Variants in SLC6A12 observed in about 807,000 individuals in gnomAD.
The protein encoded by SLC6A12 is sodium- and chloride-dependent betaine transporter.
SLC6A12 carries 50 observed loss-of-function variants against 73.3 expected under a neutral mutation model. The ratio of observed to expected loss-of-function variants is 0.68; its 90% confidence interval spans 0.54 to 0.86. The LOEUF (loss-of-function observed/expected upper bound fraction) is 0.86, where lower values mean the gene tolerates loss of function less well. SLC6A12 is among the 40% of genes least tolerant of loss of function. The pLI is 0.00. For synonymous variants in SLC6A12, 304 were observed against 309.2 expected (o/e 0.98, Z 0.18); for missense variants, 648 against 772.8 (o/e 0.84, Z 1.92).
intron 12 of SLC6A12, 83 bp downstream of exon 12, chr12:196,041 G>A: frequency 7.5e-7 from 1 of 1,341,494 alleles, no homozygotes. Context: ...GATAAGAAAA[G>A]TGAGGCTCTG....
At chr12:207,132 G>T (rs1439677133) in intron 3 of SLC6A12, among the ~76,000 whole-genome samples, 1 of 152,248 alleles carries the variant, frequency 6.6e-6, no homozygotes, top group Admixed American at 6.5e-5. Flanking sequence ...CGCTGACACT[G>T]CTACACCCTC....
chr12:195,608 T>C (rs554500213), intron 12 of SLC6A12, among the ~76,000 whole-genome samples: 1 of 152,308 alleles, frequency 6.6e-6, no homozygotes, highest in South Asian at 2.1e-4. Flanking sequence ...TCATTCTTTG[T>C]TCCTTTTAGA....
rs1209408935 is a variant in SLC6A12 at position 198,113 on chromosome 12, C to T, written c.847-110G>A. 3.8e-6 allele frequency: 3 copies of T among 785,808 alleles called. No homozygotes were observed. In the Admixed American group the frequency reaches 7.0e-5, roughly 18 times the overall value. The allele number at this position is 785,808 out of a possible 1,614,324, so 48.7% of individuals were successfully genotyped here. On this transcript the variant is annotated intron_variant, in intron 8 of 15. Coordinates refer to ENST00000684302, the MANE Select transcript of SLC6A12 (RefSeq NM_001122848.3). This position sits in a 1 kb window ranked among gnomAD's most constrained non-coding sequence, Gnocchi z 4.0. The stretch of plus-strand genomic sequence containing the variant: ...GCACCAGCCTGGCCCCTCAGTGCTC[C>T]CTGAGCGCTTCCCTCCTGCATCCCA...
At chr12:203,059 CTTTTTTTTTTTTTT>C (rs10582500) in intron 4 of SLC6A12, among the ~76,000 whole-genome samples, 179 bp from the exon 5 acceptor site, 6 of 68,332 alleles carry the variant, frequency 8.8e-5, no homozygotes, top group Non-Finnish European at 1.3e-4. Context: ...TTTTTCTTTT[CTTTTTTTTTTTTTT>C]TTTTTTTTTT....
At chr12:211,447 G>C (rs891999497) in intron 2 of SLC6A12, among the ~76,000 whole-genome samples, 2 of 152,228 alleles carry the variant, frequency 1.3e-5, no homozygotes, top group African/African-American at 4.8e-5. Context: ...GCCCAGGAGG[G>C]AGGATGAGGA....
chr12:197,197 T>TCCATCCATCTACCCATC (rs1939960234), intron 10 of SLC6A12, among the ~76,000 whole-genome samples, 180 bp downstream of exon 10: 1 of 6,174 alleles, frequency 1.6e-4, no homozygotes, highest in Non-Finnish European at 2.8e-4. Flanking sequence ...ATCCATCCAT[T>TCCATCCATCTACCCATC]CATCCATCCA....
chr12:187,015 C>T (rs1439992071), downstream of SLC6A12, among the ~76,000 whole-genome samples: 2 of 152,212 alleles, frequency 1.3e-5, no homozygotes, highest in Non-Finnish European at 2.9e-5. Flanking sequence ...CGCTAGGGCA[C>T]AGATTATGAA....
intron 3 of SLC6A12, among the ~76,000 whole-genome samples, chr12:205,592 T>C: frequency 6.6e-6 from 1 of 152,236 alleles, no homozygotes; most frequent in South Asian, 2.1e-4. Context: ...AGTCTAGTCC[T>C]GAGGCTGAGC....
chr12:185,362 G>A (rs1565460560), downstream of SLC6A12, among the ~76,000 whole-genome samples: 2 of 152,204 alleles, frequency 1.3e-5, no homozygotes, highest in Admixed American at 6.5e-5. Context: ...CCCTGTGCCC[G>A]TGTCTTAGTG....
At chr12:192,189 A>G (rs1939630654) in intron 15 of SLC6A12, among the ~76,000 whole-genome samples, 2 of 152,062 alleles carry the variant, frequency 1.3e-5, no homozygotes, top group Admixed American at 1.3e-4. Context: ...CATGTTTGTG[A>G]CTTAGTTTTC....
Position 196,863 on chromosome 12 carries a change from G to T in SLC6A12, c.1095C>A (p.Ile365=). 1 of 1,613,750 alleles carries T rather than the reference G, an allele frequency of 6.2e-7. No homozygotes were observed. Among genetic ancestry groups the T allele is most frequent in the South Asian group, 1.1e-5 (1 of 91,056 alleles). ...VAESGPGLAF[I]AFPKAVTMMP... is the part of the protein sequence containing the mutation. ...TCATAGTCACAGCCTTGGGGAAGGC[G>T]ATGAAGGCCAGCCCAGGACCTGCCA... Residue 365 remains isoleucine (I), a synonymous_variant, in exon 11 of 16, where the codon ATC becomes ATA. Coordinates refer to ENST00000684302, the MANE Select transcript of SLC6A12 (RefSeq NM_001122848.3).
At position 197,144 on chromosome 12, in the gene SLC6A12, T is replaced by C. The variant is rs1169560123; in HGVS notation, c.1075+233A>G. 3.1e-3 allele frequency among the ~76,000 whole-genome samples: 361 copies of C among 115,060 alleles called. 4 individuals carry two copies. Among genetic ancestry groups the C allele is most frequent in the Non-Finnish European group, 4.0e-3 (210 of 53,022 alleles). 75.5% of individuals were successfully genotyped at this position (115,060 alleles called of 152,430 possible). On this transcript the variant is annotated intron_variant, in intron 10 of 15. Transcript: ENST00000684302. ...ATCCATCCATCCATCCATCCATCCA[T>C]CCATCCATCCATCCATCCATCCATC...
chr12:195,341 G>T lies in SLC6A12; in HGVS notation c.1327-14C>A. The T allele has an allele frequency of 1.3e-6, 2 of 1,543,554 alleles. No individual in the cohort carries two copies. The highest frequency in any genetic ancestry group is 1.8e-6 in the Non-Finnish European group (2 of 1,115,590). ...GTACATCCCGCCCTGTGGGGAGAGC[G>T]TGGAGCTGGGGCATGGCCAGTGCAG... is the stretch of plus-strand genomic sequence containing the variant. On this transcript the variant is annotated splice_polypyrimidine_tract_variant and intron_variant, in intron 12 of 15. Coordinates refer to ENST00000684302, the MANE Select transcript of SLC6A12 (RefSeq NM_001122848.3).
chr12:196,010 C>CTGGGCTGCAGTGACGTACCTGGCT, intron 12 of SLC6A12, 114 bp downstream of exon 12: 1 of 952,308 alleles, frequency 1.1e-6, no homozygotes, highest in South Asian at 1.7e-5. Flanking sequence ...GCAGGGCAGG[C>CTGGGCTGCAGTGACGTACCTGGCT]GTTCACACCC....
intron 2 of SLC6A12, chr12:210,416 G>A: frequency 9.2e-7 from 1 of 1,085,972 alleles, no homozygotes; most frequent in East Asian, 7.6e-5. Flanking sequence ...CTAGCCTCTG[G>A]CCTCCAGGTC....
At chr12:189,587 A>AC (rs1272838976), downstream of SLC6A12, among the ~76,000 whole-genome samples, 1 of 151,398 alleles carries the variant, frequency 6.6e-6, no homozygotes, top group African/African-American at 2.4e-5. Flanking sequence ...TATACGAATC[A>AC]CCCCCCTCAT....
At chr12:199,033 C>T in intron 7 of SLC6A12, 102 bp from the exon 8 acceptor site, 1 of 1,174,344 alleles carries the variant, frequency 8.5e-7, no homozygotes, top group East Asian at 2.4e-5. Context: ...TCAGTCCCAA[C>T]CTCAGAGACA....
chr12:189,441 A>T (rs1370498741), downstream of SLC6A12, among the ~76,000 whole-genome samples: 1 of 152,224 alleles, frequency 6.6e-6, no homozygotes, highest in Admixed American at 6.5e-5. Flanking sequence ...TGCACAGAGC[A>T]GTCCAGAGGG....
chr12:201,674 C>T (rs1167437648), intron 6 of SLC6A12, 88 bp downstream of exon 6: 2 of 1,058,960 alleles, frequency 1.9e-6, no homozygotes, highest in Non-Finnish European at 2.9e-6. Context: ...CACACAGAAT[C>T]TTAAACTTGC....
Sources: gnomAD v4.1 joint callset for allele counts (sites outside exome capture counted in the v4.1 genomes callset) on GRCh38, gnomAD v4.1.1 for gene constraint, Gnocchi (gnomAD v3.1) non-coding constraint, MANE v1.5 for transcripts, NCBI Gene and HGNC (gene_info 2026-07-23, HGNC 2026-07-21) for gene names.